The following BNC2 variants were observed in gnomAD, a reference collection of about 807,000 sequenced individuals.
BNC2 encodes zinc finger protein basonuclin-2.
BNC2 carries 20 observed loss-of-function variants against 76.3 expected under a neutral mutation model. The ratio of observed to expected loss-of-function variants is 0.26; its 90% CI spans 0.18 to 0.38. BNC2 has a LOEUF of 0.38. BNC2 is among the 10% of genes least tolerant of loss of function. BNC2 has a pLI of 1.00. For missense variants in BNC2, 1,382 were observed against 1,399.8 expected (o/e 0.99, Z 0.20); for synonymous variants, 582 against 514.8 (o/e 1.13, Z -1.77).
At chr9:16,790,007 G>GAT (rs1817456728) in intron 1 of BNC2, among the ~76,000 whole-genome samples, 1 of 152,108 alleles carries the variant, frequency 6.6e-6, no homozygotes. Context: ...CATGTGAAAT[G>GAT]ATTTTTTTTT....
At chr9:16,456,821 T>C (rs991319721) in intron 5 of BNC2, among the ~76,000 whole-genome samples, 1 of 151,994 alleles carries the variant, frequency 6.6e-6, no homozygotes, top group African/African-American at 2.4e-5. Flanking sequence ...AGTGGTGGAA[T>C]ATTGTAAAAA....
intron 1 of BNC2, among the ~76,000 whole-genome samples, chr9:16,863,331 ACTCT>A (rs1406124562): frequency 2.0e-5 from 3 of 152,120 alleles, no homozygotes; most frequent in Non-Finnish European, 2.9e-5. Context: ...ATGAAAAATA[ACTCT>A]CTCTCCCTAA....
chr9:16,744,727 A>G (rs1324082830), intron 1 of BNC2, among the ~76,000 whole-genome samples: 1 of 152,214 alleles, frequency 6.6e-6, no homozygotes, highest in Non-Finnish European at 1.5e-5. Flanking sequence ...AAAGCTCAGG[A>G]TGTCTAGTTT....
chr9:16,658,038 G>A (rs770057079), intron 3 of BNC2, among the ~76,000 whole-genome samples: 10 of 152,064 alleles, frequency 6.6e-5, no homozygotes, highest in Admixed American at 3.9e-4. Context: ...CCGGAATTTC[G>A]GGACAAGAGA....
intron 3 of BNC2, among the ~76,000 whole-genome samples, chr9:16,722,141 T>C (rs1467521552): frequency 6.6e-6 from 1 of 152,210 alleles, no homozygotes; most frequent in African/African-American, 2.4e-5. Flanking sequence ...GCCAGCTCAC[T>C]ATCTGTAACG....
intron 1 of BNC2, among the ~76,000 whole-genome samples, chr9:16,844,042 T>G (rs1305635108): frequency 6.6e-6 from 1 of 152,106 alleles, no homozygotes; most frequent in Non-Finnish European, 1.5e-5. Flanking sequence ...CGAGGATAGC[T>G]CAAGGCTAGG....
rs1822275793 is a variant in BNC2 at position 16,491,336 on chromosome 9, C to G, written c.670-53812G>C. On this transcript the variant is annotated intron_variant, in intron 5 of 6. Transcript: ENST00000380672. ...CCTTCCACTGCAGTGATATACTCAA[C>G]AGGTGGAAAGGGTCTCATGCTGGGG... Among the ~76,000 whole-genome samples the G allele has an allele frequency of 4.6e-5, 7 of 152,236 alleles. No homozygotes were observed. The South Asian group carries it at 1.5e-3, about 32-fold the overall frequency.
intron 1 of BNC2, among the ~76,000 whole-genome samples, chr9:16,788,446 G>C (rs144805139): frequency 6.6e-6 from 1 of 151,678 alleles, no homozygotes; most frequent in African/African-American, 2.4e-5. Flanking sequence ...CCAGCTACTC[G>C]GGAGGCTAAG....
intron 1 of BNC2, among the ~76,000 whole-genome samples, chr9:16,866,610 T>C (rs928185819): frequency 2.0e-5 from 3 of 149,884 alleles, no homozygotes; most frequent in Admixed American, 6.7e-5. Context: ...CCTAGAAAGC[T>C]TAGCTGACGC....
chr9:16,554,271 T>C (rs1458866824), intron 4 of BNC2, among the ~76,000 whole-genome samples: 3 of 152,212 alleles, frequency 2.0e-5, no homozygotes, highest in Non-Finnish European at 4.4e-5. Flanking sequence ...GATTTTTTAG[T>C]ATTTCATATG....
intron 3 of BNC2, among the ~76,000 whole-genome samples, chr9:16,638,178 G>A (rs930913241): frequency 6.6e-6 from 1 of 152,164 alleles, no homozygotes; most frequent in African/African-American, 2.4e-5. Context: ...GTGGTTTCTG[G>A]CAAGGTTGAG....
chr9:16,532,384 G>A (rs1191309537), intron 5 of BNC2, among the ~76,000 whole-genome samples: 1 of 152,090 alleles, frequency 6.6e-6, no homozygotes, highest in Non-Finnish European at 1.5e-5. Flanking sequence ...GGGACCAGGT[G>A]GTGTTTAGTA....
intron 3 of BNC2, among the ~76,000 whole-genome samples, chr9:16,663,282 G>A (rs113683495): frequency 0.013 from 1,928 of 151,736 alleles, 34 homozygotes; most frequent in African/African-American, 0.044. Context: ...ACAGGCGCCC[G>A]CCACCGTCCC....
chr9:16,863,793 A>G (rs893613234), intron 1 of BNC2, among the ~76,000 whole-genome samples: 6 of 152,250 alleles, frequency 3.9e-5, no homozygotes, highest in Non-Finnish European at 7.3e-5. Flanking sequence ...GGATTTGGCA[A>G]TAAGTCATTA....
At chr9:16,459,326 A>T (rs1387203121) in intron 5 of BNC2, among the ~76,000 whole-genome samples, 2 of 152,194 alleles carry the variant, frequency 1.3e-5, no homozygotes, top group Non-Finnish European at 1.5e-5. Context: ...TGTACTTTAT[A>T]AACAGCATTC....
intron 1 of BNC2, among the ~76,000 whole-genome samples, chr9:16,799,595 G>A (rs1817734356): frequency 1.3e-5 from 2 of 152,148 alleles, no homozygotes; most frequent in South Asian, 2.1e-4. Flanking sequence ...CTTTCTTCAG[G>A]CAATAACAAG....
chr9:16,483,876 C>A (rs1040432515), intron 5 of BNC2, among the ~76,000 whole-genome samples: 3 of 152,100 alleles, frequency 2.0e-5, no homozygotes, highest in African/African-American at 7.2e-5. Flanking sequence ...CAAGCATGAC[C>A]CTGTCCTAAA....
chr9:16,665,411 A>AAAAGAAAGG (rs1822247862), intron 3 of BNC2, among the ~76,000 whole-genome samples: 6 of 115,378 alleles, frequency 5.2e-5, no homozygotes, highest in Non-Finnish European at 8.8e-5. Context: ...AGAAAGAGAG[A>AAAAGAAAGG]AAAGAAAGGA....
intron 3 of BNC2, among the ~76,000 whole-genome samples, chr9:16,606,429 C>T (rs1293599810): frequency 6.6e-6 from 1 of 152,146 alleles, no homozygotes; most frequent in Non-Finnish European, 1.5e-5. Context: ...ATAATTCCCA[C>T]ATGTTGTGGG....
Sources: allele counts gnomAD v4.1 joint callset (sites outside exome capture counted in the v4.1 genomes callset), GRCh38; gene constraint gnomAD v4.1.1; transcripts MANE v1.5; gene names NCBI Gene and HGNC (gene_info 2026-07-23, HGNC 2026-07-21).